Variants in ENTHD1 observed in about 807,000 individuals in gnomAD.
The protein encoded by ENTHD1 is ENTH domain containing 1, also known as ENTH domain-containing protein 1.
Under a neutral mutation model 39.1 loss-of-function variants are expected in ENTHD1, and 23 were observed. The observed-to-expected ratio is 0.59, with a 90% CI of 0.42 to 0.83. ENTHD1 has a LOEUF of 0.83. Among genes scored for constraint, ENTHD1 ranks in the 40% least tolerant of loss-of-function variants. The pLI is 0.00. For synonymous variants in ENTHD1, 230 were observed against 258.2 expected (o/e 0.89, Z 1.05); for missense variants, 624 against 705.4 (o/e 0.88, Z 1.31).
At chr22:39,826,745 G>A (rs1436953790) in intron 4 of ENTHD1, among the ~76,000 whole-genome samples, 2 of 151,912 alleles carry the variant, frequency 1.3e-5, no homozygotes, top group Admixed American at 1.3e-4. Flanking sequence ...TGGTAGGGGT[G>A]GGAAGGGTAT....
intron 2 of ENTHD1, chr22:39,876,222 T>C (rs1242545595): frequency 3.2e-6 from 4 of 1,232,350 alleles, no homozygotes; most frequent in African/African-American, 1.5e-5. Flanking sequence ...TATGTAAGAA[T>C]TGATGATGTA....
chr22:39,857,665 C>A (rs145719693), intron 3 of ENTHD1, among the ~76,000 whole-genome samples: 13 of 152,098 alleles, frequency 8.5e-5, no homozygotes, highest in African/African-American at 2.9e-4. Context: ...GAAGATACTG[C>A]GGTGGGCTGG....
intron 2 of ENTHD1, among the ~76,000 whole-genome samples, chr22:39,870,465 A>G (rs536049656): frequency 6.6e-6 from 1 of 152,338 alleles, no homozygotes; most frequent in Non-Finnish European, 1.5e-5. Flanking sequence ...AAAAAAAGCA[A>G]TATTCAGAGA....
At chr22:39,864,747 C>T (rs1294332213) in intron 2 of ENTHD1, among the ~76,000 whole-genome samples, 1 of 152,096 alleles carries the variant, frequency 6.6e-6, no homozygotes, top group East Asian at 1.9e-4. Flanking sequence ...CAAAAGTTAG[C>T]TGGGCACGGT....
At chr22:39,776,158 G>A (rs577460953) in intron 5 of ENTHD1, among the ~76,000 whole-genome samples, 2 of 152,238 alleles carry the variant, frequency 1.3e-5, no homozygotes, top group South Asian at 2.1e-4. Flanking sequence ...CTTCAAAAGC[G>A]CTGGGATTAC....
At chr22:39,869,260 T>C (rs1399917623) in intron 2 of ENTHD1, among the ~76,000 whole-genome samples, 1 of 152,142 alleles carries the variant, frequency 6.6e-6, no homozygotes, top group Non-Finnish European at 1.5e-5. Context: ...GTGGTACATA[T>C]ACCACGAAAT....
At chr22:39,888,268 T>C (rs969351690) in intron 1 of ENTHD1, among the ~76,000 whole-genome samples, 15 of 136,014 alleles carry the variant, frequency 1.1e-4, no homozygotes, top group Non-Finnish European at 1.9e-4. Context: ...TTCTTTTTTT[T>C]TTTTTTTTTT....
intron 5 of ENTHD1, among the ~76,000 whole-genome samples, chr22:39,770,085 G>A (rs1439553963): frequency 1.3e-5 from 2 of 152,150 alleles, no homozygotes; most frequent in Non-Finnish European, 2.9e-5. Flanking sequence ...TTAAATATGT[G>A]TAGAATGTGT....
intron 2 of ENTHD1, among the ~76,000 whole-genome samples, chr22:39,879,334 G>A (rs1287262835): frequency 6.6e-6 from 1 of 151,324 alleles, no homozygotes; most frequent in Non-Finnish European, 1.5e-5. Flanking sequence ...GTGGTGGTGG[G>A]TACCTGTAGT....
At chr22:39,763,406 C>T (rs889879650) in intron 6 of ENTHD1, among the ~76,000 whole-genome samples, 16 of 152,134 alleles carry the variant, frequency 1.1e-4, no homozygotes, top group African/African-American at 3.9e-4. Flanking sequence ...GATTCCCTCC[C>T]TCTGGAATAC....
At chr22:39,825,681 T>C (rs952689522) in intron 4 of ENTHD1, among the ~76,000 whole-genome samples, 5 of 152,096 alleles carry the variant, frequency 3.3e-5, no homozygotes, top group Non-Finnish European at 7.4e-5. Flanking sequence ...TTTCTTTTGA[T>C]TTGTCAAAGT....
chr22:39,817,472 T>C (rs1229762963), intron 5 of ENTHD1, among the ~76,000 whole-genome samples: 1 of 152,106 alleles, frequency 6.6e-6, no homozygotes, highest in African/African-American at 2.4e-5. Context: ...TTCAGGAAAA[T>C]GCAGAATAAG....
chr22:39,890,099 A>AAAATAAAT (rs202065437), intron 1 of ENTHD1, among the ~76,000 whole-genome samples: 30 of 139,574 alleles, frequency 2.1e-4, no homozygotes, highest in Non-Finnish European at 2.8e-4. Flanking sequence ...CTCTGTCTCA[A>AAAATAAAT]AAATAAATAA....
intron 1 of ENTHD1, among the ~76,000 whole-genome samples, 179 bp from the exon 2 acceptor site, chr22:39,888,082 G>A (rs912954510): frequency 6.6e-6 from 1 of 151,718 alleles, no homozygotes; most frequent in Non-Finnish European, 1.5e-5. Flanking sequence ...ATGAGAAATT[G>A]GCCTATATTA....
intron 2 of ENTHD1, among the ~76,000 whole-genome samples, chr22:39,883,363 C>A (rs970639397): frequency 6.6e-6 from 1 of 151,920 alleles, no homozygotes; most frequent in Non-Finnish European, 1.5e-5. Flanking sequence ...TTCATGTATA[C>A]CTTATCTTAT....
intron 5 of ENTHD1, among the ~76,000 whole-genome samples, chr22:39,799,471 G>A (rs916984998): frequency 6.6e-6 from 1 of 152,158 alleles, no homozygotes. Flanking sequence ...TAGGTACACA[G>A]ACACATTGAA....
chr22:39,812,430 T>C (rs1275277771), intron 5 of ENTHD1, among the ~76,000 whole-genome samples: 1 of 152,190 alleles, frequency 6.6e-6, no homozygotes, highest in African/African-American at 2.4e-5. Context: ...GGCATGTGGA[T>C]GGACTTTTCA....
chr22:39,779,173 C>T (rs918644055), intron 5 of ENTHD1, among the ~76,000 whole-genome samples: 9 of 151,842 alleles, frequency 5.9e-5, no homozygotes, highest in Non-Finnish European at 8.8e-5. Flanking sequence ...AAAAATTGGC[C>T]GGGCATGGTG....
chr22:39,863,652 A>G (rs1456208184), intron 2 of ENTHD1, among the ~76,000 whole-genome samples: 1 of 152,250 alleles, frequency 6.6e-6, no homozygotes, highest in Non-Finnish European at 1.5e-5. Flanking sequence ...GAACTCACAA[A>G]CATGGCTTCC....
Sources: allele counts gnomAD v4.1 joint callset (sites outside exome capture counted in the v4.1 genomes callset), GRCh38; gene constraint gnomAD v4.1.1; transcripts MANE v1.5; gene names NCBI Gene and HGNC (gene_info 2026-07-23, HGNC 2026-07-21).